The following PREX1 variants were observed in gnomAD, a reference collection of about 807,000 sequenced individuals.
PREX1 encodes phosphatidylinositol-3,4,5-trisphosphate dependent Rac exchange factor 1, also known as phosphatidylinositol 3,4,5-trisphosphate-dependent Rac exchanger 1 protein.
A neutral mutation model predicts 198.3 loss-of-function variants in PREX1; 41 were observed. That is an observed-to-expected ratio of 0.21 (90% CI 0.16 to 0.27). The LOEUF (loss-of-function observed/expected upper bound fraction) is 0.27, where lower values mean the gene tolerates loss of function less well. Ranked by LOEUF, PREX1 falls within the 10% of genes least tolerant of loss-of-function variation. The pLI is 1.00. For synonymous variants in PREX1, 843 were observed against 887.2 expected (o/e 0.95, Z 0.89); for missense variants, 1,620 against 2,200.7 (o/e 0.74, Z 5.28).
At chr20:48,832,715 C>G (rs1488197911), upstream of PREX1, among the ~76,000 whole-genome samples, 5 of 152,190 alleles carry the variant, frequency 3.3e-5, no homozygotes, top group South Asian at 2.1e-4. Flanking sequence ...TGAGCTACCC[C>G]CAGCTGCCCA....
intron 2 of PREX1, among the ~76,000 whole-genome samples, chr20:48,745,465 A>G (rs2090103450): frequency 6.6e-6 from 1 of 152,258 alleles, no homozygotes; most frequent in African/African-American, 2.4e-5. Context: ...CAAGGCTCAG[A>G]TAAAATAATA....
chr20:48,865,578 G>C, the PREX1 span, among the ~76,000 whole-genome samples: 1 of 152,202 alleles, frequency 6.6e-6, no homozygotes, highest in Admixed American at 6.5e-5. Flanking sequence ...TGTCTATAGA[G>C]GTGTTGAACT....
chr20:48,785,607 G>A (rs1318541531), intron 1 of PREX1, among the ~76,000 whole-genome samples: 2 of 152,224 alleles, frequency 1.3e-5, no homozygotes, highest in Non-Finnish European at 2.9e-5. Flanking sequence ...CATCGCTGAT[G>A]TTCGGACTCC....
intron 5 of PREX1, among the ~76,000 whole-genome samples, chr20:48,719,512 C>T (rs1196442759): frequency 6.6e-6 from 1 of 152,146 alleles, no homozygotes; most frequent in Admixed American, 6.5e-5. Flanking sequence ...GAAGAGATCT[C>T]TGACTTCCTG....
At chr20:48,758,503 G>A (rs988706106) in intron 1 of PREX1, among the ~76,000 whole-genome samples, 4 of 152,162 alleles carry the variant, frequency 2.6e-5, no homozygotes, top group Admixed American at 6.5e-5. Flanking sequence ...TTGCAGCACC[G>A]CAGCCACACA....
intron 24 of PREX1, 106 bp from the exon 25 acceptor site, chr20:48,649,682 A>C: frequency 1.7e-5 from 22 of 1,281,618 alleles, no homozygotes; most frequent in African/African-American, 3.0e-5. Context: ...TGAAGGAGAA[A>C]AATGTCCCTT....
chr20:48,838,547 C>G, the PREX1 span, among the ~76,000 whole-genome samples: 1 of 151,634 alleles, frequency 6.6e-6, no homozygotes, highest in Non-Finnish European at 1.5e-5. Context: ...AATTATTTAG[C>G]CATTGAAAAG....
chr20:48,728,864 C>T (rs1159653737), intron 4 of PREX1, among the ~76,000 whole-genome samples: 8 of 152,132 alleles, frequency 5.3e-5, no homozygotes, highest in Admixed American at 5.2e-4. Context: ...CAAACACACA[C>T]AGAGCTAGCA....
intron 11 of PREX1, among the ~76,000 whole-genome samples, chr20:48,680,868 G>A (rs1271860973): frequency 6.9e-6 from 1 of 145,538 alleles, no homozygotes; most frequent in Non-Finnish European, 1.5e-5. Flanking sequence ...CTACAAGGTC[G>A]GCTCCATGAC....
At chr20:48,773,316 AATT>A (rs59033150) in intron 1 of PREX1, among the ~76,000 whole-genome samples, 4,686 of 150,972 alleles carry the variant, frequency 0.031, 121 homozygotes, top group African/African-American at 0.067. Context: ...TGTCCATACC[AATT>A]ATTAAGTTCA....
intron 1 of PREX1, among the ~76,000 whole-genome samples, chr20:48,794,341 A>C (rs1385801439): frequency 6.6e-6 from 1 of 152,184 alleles, no homozygotes; most frequent in Non-Finnish European, 1.5e-5. Context: ...AGAGAGAGGG[A>C]AGGCAAGGGG....
intron 1 of PREX1, among the ~76,000 whole-genome samples, chr20:48,817,528 C>A (rs866392441): frequency 2.6e-5 from 4 of 152,140 alleles, no homozygotes; most frequent in Non-Finnish European, 5.9e-5. Flanking sequence ...ATGAGGAAAC[C>A]AAGGTTCAGA....
At chr20:48,775,279 C>A (rs773920731) in intron 1 of PREX1, among the ~76,000 whole-genome samples, 16 of 152,010 alleles carry the variant, frequency 1.1e-4, no homozygotes, top group Non-Finnish European at 2.2e-4. Flanking sequence ...CCAGAATAGA[C>A]TGCGAAGCCT....
the PREX1 span, among the ~76,000 whole-genome samples, chr20:48,834,771 G>C: frequency 1.0e-3 from 155 of 152,210 alleles, no homozygotes; most frequent in African/African-American, 3.6e-3. Context: ...TGTTGCCCAG[G>C]CTGGTCTTGA....
intron 4 of PREX1, among the ~76,000 whole-genome samples, chr20:48,726,995 G>A (rs6063313): frequency 0.15 from 22,140 of 152,274 alleles, 1,846 homozygotes; most frequent in South Asian, 0.26. Context: ...GCAAAAGAAA[G>A]AAGGATATGT....
At chr20:48,837,012 G>A in the PREX1 span, among the ~76,000 whole-genome samples, 3 of 151,626 alleles carry the variant, frequency 2.0e-5, no homozygotes, top group South Asian at 4.2e-4. Flanking sequence ...GTGAAAAGGA[G>A]TTCCTTCCCC....
Position 48,637,702 on chromosome 20 carries a change from A to C in PREX1, c.3946+9T>G, listed in dbSNP as rs2089375893. 6.2e-7 allele frequency: 1 copy of C among 1,607,872 alleles called. No individual in the cohort carries two copies. Among genetic ancestry groups the C allele is most frequent in the Non-Finnish European group, 8.5e-7 (1 of 1,177,328 alleles). On this transcript the variant is annotated intron_variant, in intron 31 of 39. Coordinates refer to ENST00000371941, the MANE Select transcript of PREX1 (RefSeq NM_020820.4). ...GTATGTGCCCCCCACACACCTTTAA[A>C]GGCCTCACCTGTGCACTTCAGCAAG...
intron 14 of PREX1, among the ~76,000 whole-genome samples, chr20:48,669,824 A>G (rs1455035811): frequency 1.3e-5 from 2 of 152,190 alleles, no homozygotes; most frequent in Non-Finnish European, 2.9e-5. Context: ...GGAGAGAACC[A>G]CTGAGGAATG....
chr20:48,805,393 G>A (rs1175944986), intron 1 of PREX1, among the ~76,000 whole-genome samples: 1 of 152,260 alleles, frequency 6.6e-6, no homozygotes, highest in Non-Finnish European at 1.5e-5. Flanking sequence ...GCCAAGGCCA[G>A]GCTGCAGACA....
Sources: gnomAD v4.1 joint callset for allele counts (sites outside exome capture counted in the v4.1 genomes callset) on GRCh38, gnomAD v4.1.1 for gene constraint, MANE v1.5 for transcripts, NCBI Gene and HGNC (gene_info 2026-07-23, HGNC 2026-07-21) for gene names.